Variants in ARFGEF2 observed in about 807,000 individuals in gnomAD.
The protein encoded by ARFGEF2 is ARF guanine nucleotide exchange factor 2, also known as brefeldin A-inhibited guanine nucleotide-exchange protein 2.
In ARFGEF2, 74 loss-of-function variants were observed where a neutral mutation model predicts 219.9. That is an observed-to-expected ratio of 0.34 (90% CI 0.28 to 0.41). ARFGEF2 has a LOEUF of 0.41. Among genes scored for constraint, ARFGEF2 ranks in the 10% least tolerant of loss-of-function variants. ARFGEF2 has a pLI of 1.00. For synonymous variants in ARFGEF2, 733 were observed against 799.2 expected (o/e 0.92, Z 1.40); for missense variants, 1,743 against 2,218.3 (o/e 0.79, Z 4.30).
chr20:49,023,086 G>A lies in ARFGEF2; in HGVS notation c.4660G>A (p.Val1554Met). Residue 1554 changes from valine to methionine, a missense_variant, in exon 35 of 39, where the codon GTG becomes ATG. Around this residue, in one of 5 missense-constraint regions of ARFGEF2, gnomAD observed 578 missense variants for 664.0 expected, o/e 0.87. Transcript: ENST00000371917. ...GTTTGCCAGCCTCCTCATCAAGTGTGTGGTCCAGTTGGAATTGATACAGAC... is the reference window on the plus strand; with the variant it reads ...GTTTGCCAGCCTCCTCATCAAGTGTATGGTCCAGTTGGAATTGATACAGAC... ...KLFASLLIKC[V>M]VQLELIQTID... 1 of 1,614,206 alleles carries A rather than the reference G, an allele frequency of 6.2e-7. No individual in the cohort carries two copies. Among genetic ancestry groups the A allele is most frequent in the Non-Finnish European group, 8.5e-7 (1 of 1,180,040 alleles).
chr20:48,933,008 G>A (rs1295510456), intron 1 of ARFGEF2, among the ~76,000 whole-genome samples: 2 of 152,182 alleles, frequency 1.3e-5, no homozygotes, highest in Non-Finnish European at 2.9e-5. Context: ...GATGGTGATT[G>A]TTGGACTTGC....
At chr20:48,950,811 AATATATATATATATATATATATATAT>A (rs71184245) in intron 3 of ARFGEF2, among the ~76,000 whole-genome samples, 1 of 64,482 alleles carries the variant, frequency 1.6e-5, no homozygotes, top group Admixed American at 2.3e-4. Flanking sequence ...AAAAAAAAAA[AATATATATATATATATATATATATAT>A]ATATATATAT....
intron 34 of ARFGEF2, among the ~76,000 whole-genome samples, chr20:49,019,232 C>T (rs546164453): frequency 7.9e-5 from 12 of 152,128 alleles, no homozygotes; most frequent in African/African-American, 1.2e-4. Flanking sequence ...ATAGTACATA[C>T]GAATTTTCTC....
intron 35 of ARFGEF2, among the ~76,000 whole-genome samples, chr20:49,023,536 T>G (rs201171811): frequency 0.027 from 1,591 of 59,458 alleles, 12 homozygotes; most frequent in Non-Finnish European, 0.036. Context: ...TTTTTTTTTT[T>G]GTTTTTTTTT....
rs1453179238 is a variant in ARFGEF2 at position 49,033,104 on chromosome 20, C to G, written c.5263C>G (p.Leu1755Val). The G allele has an allele frequency of 6.2e-7, 1 of 1,613,934 alleles. No homozygotes were observed. The highest frequency in any genetic ancestry group is 1.7e-5 in the Admixed American group (1 of 59,982). ...CCTGATCCCTGAGCTCCGAGCAGTT[C>G]TGCGGAAGTTCTTCCTACGGATAGG... ...FDLIPELRAV[L>V]RKFFLRIGVV... Residue 1755 changes from leucine (L) to valine (V), a missense_variant, in exon 39 of 39, where the codon CTG (leucine) becomes GTG (valine). Leu to Val is a conservative substitution (Grantham distance 32). Coordinates refer to ENST00000371917, the MANE Select transcript of ARFGEF2 (RefSeq NM_006420.3).
intron 25 of ARFGEF2, among the ~76,000 whole-genome samples, chr20:49,004,072 A>G (rs1467107787): frequency 6.6e-6 from 1 of 152,136 alleles, no homozygotes; most frequent in Non-Finnish European, 1.5e-5. Context: ...TTCAAGATGA[A>G]AAGAGTTCTC....
At chr20:48,939,598 C>A (rs977689837) in intron 1 of ARFGEF2, among the ~76,000 whole-genome samples, 4 of 152,184 alleles carry the variant, frequency 2.6e-5, no homozygotes, top group African/African-American at 4.8e-5. Flanking sequence ...TTGGTGAATT[C>A]TTTTCCCTGA....
At chr20:48,922,604 GA>G (rs2090850172) in intron 1 of ARFGEF2, among the ~76,000 whole-genome samples, 1 of 152,222 alleles carries the variant, frequency 6.6e-6, no homozygotes, top group Non-Finnish European at 1.5e-5. Context: ...TCTTCAGCGC[GA>G]AGATACTTGT....
intron 1 of ARFGEF2, 127 bp downstream of exon 1, chr20:48,922,137 C>G: frequency 7.1e-7 from 1 of 1,407,622 alleles, no homozygotes. Context: ...ACCCTTCCGG[C>G]CTCCTCCTCA....
rs199964803 is a variant in ARFGEF2 at position 49,012,074 on chromosome 20, A to G, written c.3908A>G (p.Glu1303Gly). 2.2e-5 allele frequency: 36 copies of G among 1,614,090 alleles called. No homozygotes were observed. The highest frequency in any genetic ancestry group is 3.0e-5 in the Non-Finnish European group (35 of 1,180,048). ...CGCTTCTGTGGCAAATACGTCTCTG[A>G]GAGGCCTCGGGTTCGTTTTTCCCCA... ...LIRFCGKYVS[E>G]RPRVLQEYTS... The change falls in exon 28 of 39, where the codon GAG becomes GGG. Residue 1303 changes from glutamate (E) to glycine (G), a missense_variant. Around this residue, in one of 5 missense-constraint regions of ARFGEF2, gnomAD observed 578 missense variants for 664.0 expected, o/e 0.87. Transcript: ENST00000371917.
At chr20:48,958,678 G>A (rs1427620690) in intron 6 of ARFGEF2, among the ~76,000 whole-genome samples, 1 of 151,872 alleles carries the variant, frequency 6.6e-6, no homozygotes, top group Non-Finnish European at 1.5e-5. Flanking sequence ...TCCTGACCTC[G>A]TGATCTGCCC....
intron 14 of ARFGEF2, 23 bp from the exon 15 acceptor site, chr20:48,984,706 T>C (rs1355246652): frequency 6.2e-7 from 1 of 1,614,058 alleles, no homozygotes; most frequent in Admixed American, 1.7e-5. Context: ...AAGCAACTTG[T>C]GTCCCATCTC....
chr20:48,966,041 C>T lies in ARFGEF2; in HGVS notation c.1059+18C>T. ...ATAATCTGGTATGTTGGTGATCATC[C>T]TCTGTGGACTTATTGCCATTTTTAC... On this transcript the variant is annotated intron_variant, in intron 8 of 38. Transcript: ENST00000371917. 6.2e-7 allele frequency: 1 copy of T among 1,613,844 alleles called. No individual in the cohort carries two copies. The highest frequency in any genetic ancestry group is 8.5e-7 in the Non-Finnish European group (1 of 1,179,806).
chr20:48,954,495 T>C (rs1449286310), intron 6 of ARFGEF2, among the ~76,000 whole-genome samples: 1 of 152,214 alleles, frequency 6.6e-6, no homozygotes, highest in Non-Finnish European at 1.5e-5. Flanking sequence ...TTCTGTCAAA[T>C]GCTTCTTCAC....
At position 49,033,128 on chromosome 20, in the gene ARFGEF2, G is replaced by A. The variant is rs376589021; in HGVS notation, c.5287G>A (p.Gly1763Ser). ...TCTGCGGAAGTTCTTCCTACGGATA[G>A]GTGTTGTGTATAAGATATGGATACC... is the stretch of plus-strand genomic sequence containing the variant. ...AVLRKFFLRI[G>S]VVYKIWIPEE... Residue 1763 changes from glycine (G) to serine (S), a missense_variant, in exon 39 of 39, where the codon GGT (glycine) becomes AGT (serine). By Grantham distance (56) the Gly-to-Ser change is moderately conservative (BLOSUM62 0). Transcript: ENST00000371917. 4.3e-5 allele frequency: 69 copies of A among 1,614,224 alleles called. No individual in the cohort carries two copies. The highest frequency in any genetic ancestry group is 5.6e-5 in the Non-Finnish European group (66 of 1,180,036).
chr20:49,016,791 C>T (rs1167720831), intron 31 of ARFGEF2, among the ~76,000 whole-genome samples: 4 of 152,154 alleles, frequency 2.6e-5, no homozygotes, highest in Non-Finnish European at 5.9e-5. Context: ...AAATACCCAG[C>T]TAGCACATTA....
chr20:48,964,391 C>T (rs757855652), intron 7 of ARFGEF2, among the ~76,000 whole-genome samples: 2 of 152,230 alleles, frequency 1.3e-5, no homozygotes, highest in African/African-American at 2.4e-5. Context: ...GGTGACAGAG[C>T]GAGACTCCAT....
intron 25 of ARFGEF2, chr20:48,999,204 C>T (rs1334464593): frequency 6.8e-6 from 3 of 439,440 alleles, no homozygotes; most frequent in Non-Finnish European, 1.4e-5. Flanking sequence ...CACCACTGCA[C>T]CCCAGCCTGG....
rs2091337671 is a variant in ARFGEF2 at position 48,988,279 on chromosome 20, T to C, written c.2277-25T>C. On this transcript the variant is annotated intron_variant, in intron 16 of 38. Coordinates refer to ENST00000371917, the MANE Select transcript of ARFGEF2 (RefSeq NM_006420.3). Reference sequence around the variant, plus strand: ...TTCCAAACCGCATCACCATGAATATTGATGTCTCGAATTTTTTTCTCCAGG... The same window carrying C: ...TTCCAAACCGCATCACCATGAATATCGATGTCTCGAATTTTTTTCTCCAGG... 3.8e-6 allele frequency: 6 copies of C among 1,576,332 alleles called. No individual in the cohort carries two copies. In the East Asian group the frequency reaches 1.3e-4, roughly 35 times the overall value.
Sources: allele counts gnomAD v4.1 joint callset (sites outside exome capture counted in the v4.1 genomes callset), GRCh38; gene constraint gnomAD v4.1.1; regional missense constraint gnomAD v4.1.1; transcripts MANE v1.5; gene names NCBI Gene and HGNC (gene_info 2026-07-23, HGNC 2026-07-21).